Variants in RAPGEF6 observed in about 807,000 individuals in gnomAD.
RAPGEF6 encodes PDZ domain containing guanine nucleotide exchange factor (GEF) 2.
In RAPGEF6, 56 loss-of-function variants were observed where a neutral mutation model predicts 171.4. The observed-to-expected ratio is 0.33, with a 90% CI of 0.26 to 0.41. RAPGEF6 has a LOEUF of 0.41. Ranked by LOEUF, RAPGEF6 falls within the 10% of genes least tolerant of loss-of-function variation. The pLI, the probability that RAPGEF6 is intolerant of heterozygous loss-of-function variation, is 1.00. For synonymous variants in RAPGEF6, 692 were observed against 650.1 expected (o/e 1.06, Z -0.98); for missense variants, 1,674 against 1,921.4 (o/e 0.87, Z 2.41).
At chr5:131,444,481 G>C (rs754265468) in intron 22 of RAPGEF6, among the ~76,000 whole-genome samples, 9 of 152,128 alleles carry the variant, frequency 5.9e-5, no homozygotes, top group Non-Finnish European at 1.3e-4. Flanking sequence ...AATTAATTGG[G>C]AAGAATCAAA....
chr5:131,512,269 C>T (rs1180398028), intron 7 of RAPGEF6, among the ~76,000 whole-genome samples: 4 of 151,936 alleles, frequency 2.6e-5, no homozygotes, highest in Middle Eastern at 3.2e-3. Context: ...AACAGGCAGA[C>T]GGGGCAGACG....
chr5:131,501,621 G>A (rs1231017630), intron 11 of RAPGEF6, among the ~76,000 whole-genome samples: 2 of 151,904 alleles, frequency 1.3e-5, no homozygotes, highest in African/African-American at 2.4e-5. Flanking sequence ...TAGAAGGTGG[G>A]ATGCTGGGAG....
At chr5:131,578,432 A>G (rs1762732183) in intron 4 of RAPGEF6, among the ~76,000 whole-genome samples, 1 of 152,126 alleles carries the variant, frequency 6.6e-6, no homozygotes, top group Non-Finnish European at 1.5e-5. Flanking sequence ...ACCTCCTTTA[A>G]TAGCCCCCAT....
intron 24 of RAPGEF6, among the ~76,000 whole-genome samples, chr5:131,438,834 A>T (rs1752194591): frequency 6.6e-6 from 1 of 152,238 alleles, no homozygotes. Flanking sequence ...TCCTAATTTT[A>T]AAAAAGGTAA....
In RAPGEF6 at chr5:131,495,534, A is replaced by G. The variant is rs200844360; in HGVS notation, c.1527+19T>C. 2.8e-3 allele frequency: 4,464 copies of G among 1,600,352 alleles called. 14 individuals are homozygous for G. The highest frequency in any genetic ancestry group is 4.8e-3 in the Middle Eastern group (29 of 6,032). ...GGGACCACTACACTCTGAAGAATAG[A>G]AATTATTTTGAGCCTTACTGTATCT... is the stretch of plus-strand genomic sequence containing the variant. On this transcript the variant is annotated intron_variant, in intron 13 of 27. Transcript: ENST00000509018.
At chr5:131,556,128 G>A (rs773287987) in intron 5 of RAPGEF6, among the ~76,000 whole-genome samples, 12 of 152,170 alleles carry the variant, frequency 7.9e-5, no homozygotes, top group Admixed American at 1.3e-4. Context: ...GTGCAGGACT[G>A]TATGGAAAAC....
chr5:131,502,978 T>C (rs1363213236), intron 11 of RAPGEF6, among the ~76,000 whole-genome samples: 1 of 152,124 alleles, frequency 6.6e-6, no homozygotes, highest in Non-Finnish European at 1.5e-5. Flanking sequence ...AATTTTTGTA[T>C]TTTTAGTAGA....
intron 3 of RAPGEF6, among the ~76,000 whole-genome samples, chr5:131,593,075 AAC>A (rs1405745479): frequency 6.6e-6 from 1 of 152,240 alleles, no homozygotes; most frequent in Non-Finnish European, 1.5e-5. Context: ...AGCTACACAG[AAC>A]ACAGAGTCAC....
intron 23 of RAPGEF6, among the ~76,000 whole-genome samples, chr5:131,440,636 G>A (rs2149812558): frequency 6.6e-6 from 1 of 150,858 alleles, no homozygotes; most frequent in South Asian, 2.1e-4. Context: ...TACTCAGGAG[G>A]CTGAGGCATA....
intron 4 of RAPGEF6, among the ~76,000 whole-genome samples, chr5:131,568,287 A>C (rs1456653339): frequency 4.0e-5 from 6 of 151,184 alleles, no homozygotes; most frequent in Non-Finnish European, 5.9e-5. Flanking sequence ...ATTTTTGTTT[A>C]GTATCCCATT....
chr5:131,563,475 A>G (rs1189540779), intron 4 of RAPGEF6, among the ~76,000 whole-genome samples: 2 of 152,122 alleles, frequency 1.3e-5, no homozygotes, highest in East Asian at 1.9e-4. Context: ...TCCAAACAAA[A>G]TAACTTTTGA....
chr5:131,438,979 G>A (rs924731299), intron 24 of RAPGEF6, among the ~76,000 whole-genome samples: 1 of 152,072 alleles, frequency 6.6e-6, no homozygotes, highest in African/African-American at 2.4e-5. Flanking sequence ...TTGAAGTACA[G>A]TGGCATGATC....
chr5:131,555,128 G>T (rs941294944), intron 5 of RAPGEF6, among the ~76,000 whole-genome samples: 1 of 152,114 alleles, frequency 6.6e-6, no homozygotes, highest in African/African-American at 2.4e-5. Context: ...TGATATTTTT[G>T]AGAGAAGCCC....
At chr5:131,466,937 C>T (rs1011941711) in intron 17 of RAPGEF6, among the ~76,000 whole-genome samples, 2 of 152,132 alleles carry the variant, frequency 1.3e-5, no homozygotes, top group African/African-American at 4.8e-5. Flanking sequence ...ACTGTTATTA[C>T]CTGTACTGTT....
intron 6 of RAPGEF6, among the ~76,000 whole-genome samples, chr5:131,528,805 A>T (rs533211330): frequency 2.0e-5 from 3 of 152,046 alleles, no homozygotes; most frequent in African/African-American, 7.3e-5. Flanking sequence ...GAGGGAGCAT[A>T]AACTGTTTGG....
At chr5:131,547,943 C>T in intron 6 of RAPGEF6, 104 bp downstream of exon 6, 2 of 1,283,184 alleles carry the variant, frequency 1.6e-6, no homozygotes, top group Non-Finnish European at 2.2e-6. Context: ...CAAATTTTCA[C>T]ATACAGAGCC....
intron 17 of RAPGEF6, among the ~76,000 whole-genome samples, chr5:131,466,830 T>C (rs138872529): frequency 1.1e-4 from 16 of 152,358 alleles, no homozygotes; most frequent in Admixed American, 1.0e-3. Context: ...AGAAGATTAT[T>C]GCAAACAAAT....
At chr5:131,547,417 T>C (rs532372104) in intron 6 of RAPGEF6, among the ~76,000 whole-genome samples, 4 of 152,248 alleles carry the variant, frequency 2.6e-5, no homozygotes, top group Admixed American at 6.5e-5. Flanking sequence ...ATACACCTGA[T>C]TTTTTTAGAT....
chr5:131,531,600 T>G (rs945684370), intron 6 of RAPGEF6, among the ~76,000 whole-genome samples: 1 of 152,206 alleles, frequency 6.6e-6, no homozygotes, highest in Non-Finnish European at 1.5e-5. Context: ...TAATTGATTT[T>G]CATGAGTATT....
Sources: gnomAD v4.1 joint callset for allele counts (sites outside exome capture counted in the v4.1 genomes callset) on GRCh38, gnomAD v4.1.1 for gene constraint, MANE v1.5 for transcripts, NCBI Gene and HGNC (gene_info 2026-07-23, HGNC 2026-07-21) for gene names.